Variants in NPL observed in about 807,000 individuals in gnomAD.
The protein encoded by NPL is N-acetylneuraminate pyruvate lyase.
A neutral mutation model predicts 41.1 loss-of-function variants in NPL; 32 were observed. The ratio of observed to expected loss-of-function variants is 0.78; its 90% CI spans 0.59 to 1.05. NPL has a LOEUF of 1.05. Ranked by LOEUF, NPL falls within the 50% of genes least tolerant of loss-of-function variation. The pLI is 0.00. For missense variants in NPL, 321 were observed against 378.4 expected (o/e 0.85, Z 1.26); for synonymous variants, 128 against 134.9 (o/e 0.95, Z 0.35).
chr1:182,791,528 T>C (rs1666515328), intron 1 of NPL, among the ~76,000 whole-genome samples: 1 of 152,212 alleles, frequency 6.6e-6, no homozygotes, highest in African/African-American at 2.4e-5. Flanking sequence ...ATCTGACAGC[T>C]GGTGTGGATT....
At chr1:182,816,563 T>TGCAGTA (rs1557949862) in intron 7 of NPL, 151 bp from the exon 8 acceptor site, 5 of 657,236 alleles carry the variant, frequency 7.6e-6, no homozygotes, top group East Asian at 2.8e-5. Context: ...GCAAAAACAT[T>TGCAGTA]GCAGTAGCAG....
chr1:182,819,179 G>A (rs946577592), intron 10 of NPL, among the ~76,000 whole-genome samples: 4 of 152,098 alleles, frequency 2.6e-5, no homozygotes, highest in Non-Finnish European at 4.4e-5. Context: ...GAAATGGGCC[G>A]GGCACAGTGG....
rs756443180 is a variant in NPL at position 182,812,209 on chromosome 1, A to C, written c.284A>C (p.Glu95Ala). ...GCACTGAGCTTGAAGGAGTCACAGG[A>C]ACTGGTATGTATGCAGTTCCATCTG... is the stretch of plus-strand genomic sequence containing the variant. ...VGALSLKESQ[E>A]LAQHAAEIGA... Residue 95 changes from glutamate (E) to alanine (A), a missense_variant, in exon 6 of 13, where the codon GAA (glutamate) becomes GCA (alanine). Physicochemically the swap from Glu to Ala is moderately radical, Grantham distance 107. Coordinates refer to ENST00000367553, the MANE Select transcript of NPL (RefSeq NM_030769.3). The C allele has an allele frequency of 1.2e-6, 2 of 1,613,510 alleles. No individual in the cohort carries two copies. Among genetic ancestry groups the C allele is most frequent in the East Asian group, 4.5e-5 (2 of 44,870 alleles).
intron 8 of NPL, among the ~76,000 whole-genome samples, chr1:182,817,208 C>T (rs1014693612): frequency 2.0e-5 from 3 of 152,162 alleles, no homozygotes; most frequent in African/African-American, 7.2e-5. Context: ...GACTTCTCTT[C>T]TAGCTTTTCT....
At chr1:182,818,449 C>T in intron 8 of NPL, 92 bp from the exon 9 acceptor site, 10 of 1,508,828 alleles carry the variant, frequency 6.6e-6, no homozygotes, top group South Asian at 2.3e-5. Flanking sequence ...CTGACAGCAG[C>T]GTGTGGCAGC....
In NPL at chr1:182,818,830, G is replaced by A; in HGVS notation, c.624G>A (p.Leu208=). 1 of 1,614,026 alleles carries A rather than the reference G, an allele frequency of 6.2e-7. No homozygotes were observed. The highest frequency in any genetic ancestry group is 8.5e-7 in the Non-Finnish European group (1 of 1,179,928). ...FGVDEQLLSA[L]VMGATGAVGS... The stretch of plus-strand genomic sequence containing the variant: ...CTGATTAGCAACTGTTGAGTGCTCT[G>A]GTGATGGGAGCAACTGGAGCAGTGG... Residue 208 remains leucine, a synonymous_variant, in exon 10 of 13, where the codon CTG becomes CTA. Transcript: ENST00000367553.
intron 3 of NPL, among the ~76,000 whole-genome samples, chr1:182,800,393 G>C (rs1166565492): frequency 7.2e-6 from 1 of 138,020 alleles, no homozygotes; most frequent in African/African-American, 2.7e-5. Context: ...CCGTGATTGT[G>C]CCACTGTATT....
At chr1:182,820,393 A>G (rs1557952081) in intron 10 of NPL, among the ~76,000 whole-genome samples, 2 of 152,252 alleles carry the variant, frequency 1.3e-5, no homozygotes, top group Non-Finnish European at 2.9e-5. Flanking sequence ...GTTGAATAAT[A>G]TAAATGGCTT....
At chr1:182,794,310 T>G in intron 2 of NPL, 46 bp from the exon 3 acceptor site, 2 of 1,514,204 alleles carry the variant, frequency 1.3e-6, no homozygotes, top group Non-Finnish European at 1.8e-6. Context: ...GTTTTATCAT[T>G]GACATTCCTT....
At chr1:182,803,358 T>C (rs141196800) in intron 3 of NPL, among the ~76,000 whole-genome samples, 2,553 of 152,290 alleles carry the variant, frequency 0.017, 29 homozygotes, top group Middle Eastern at 0.031. Flanking sequence ...GGGCAAAAGA[T>C]GTGTGGCCAT....
At chr1:182,795,632 T>C (rs778689266) in intron 3 of NPL, 12 of 152,330 alleles carry the variant, frequency 7.9e-5, no homozygotes, top group African/African-American at 2.9e-4. Flanking sequence ...AAAAATCACG[T>C]CCTTACTAGG....
In NPL at chr1:182,815,491, AT is replaced by A. The variant is rs1396062752; in HGVS notation, c.364+634del. On this transcript the variant is annotated intron_variant, in intron 7 of 12. Coordinates refer to ENST00000367553, the MANE Select transcript of NPL (RefSeq NM_030769.3). ...GTAATTAAATGCAGAATAGGTCTAA[AT>A]CATCATGAAATATCAGCTATTATTG... Among the ~76,000 whole-genome samples, 47 of 125,706 alleles carry A rather than the reference AT, an allele frequency of 3.7e-4. 1 individual carries two copies. The highest frequency in any genetic ancestry group is 6.9e-4 in the Admixed American group (9 of 13,078). 82.5% of individuals were successfully genotyped at this position (125,706 alleles called of 152,430 possible).
chr1:182,821,110 T>C (rs752640683), intron 10 of NPL, among the ~76,000 whole-genome samples: 1 of 152,232 alleles, frequency 6.6e-6, no homozygotes, highest in Non-Finnish European at 1.5e-5. Context: ...TCTTCCTTGC[T>C]CTATTGCCAC....
intron 3 of NPL, among the ~76,000 whole-genome samples, chr1:182,799,732 C>CAAA (rs556336661): frequency 1.0e-3 from 64 of 61,116 alleles, no homozygotes; most frequent in African/African-American, 2.2e-3. Flanking sequence ...ACCCTGTCTC[C>CAAA]AAAAAAAAAA....
chr1:182,819,008 G>A, intron 10 of NPL, 149 bp downstream of exon 10: 1 of 782,208 alleles, frequency 1.3e-6, no homozygotes. Flanking sequence ...ATTAAATACT[G>A]CTTAGCTGTT....
At chr1:182,811,307 C>A (rs934614409) in intron 5 of NPL, among the ~76,000 whole-genome samples, 3 of 152,084 alleles carry the variant, frequency 2.0e-5, no homozygotes, top group Admixed American at 6.6e-5. Context: ...TGGCTCACTG[C>A]AGCTTCCACC....
At chr1:182,825,587 A>G (rs1005979399) in intron 11 of NPL, among the ~76,000 whole-genome samples, 194 bp from the exon 12 acceptor site, 3 of 152,200 alleles carry the variant, frequency 2.0e-5, no homozygotes, top group Admixed American at 1.3e-4. Context: ...TAAAGCCTAC[A>G]TGTATGAAAA....
Position 182,828,851 on chromosome 1 carries a change from C to T in NPL, c.906C>T (p.Ser302=), listed in dbSNP as rs201438053. ...ATAGTGCTGAAGCTAAACTGAAGAG[C>T]CTGGATTTCCTTTCTTTCACTGATT... is the stretch of plus-strand genomic sequence containing the variant. ...FTDSAEAKLK[S]LDFLSFTDLK... The change falls in exon 13 of 13, where the codon AGC becomes AGT. Residue 302 remains serine, a synonymous_variant. Transcript: ENST00000367553. The surrounding 1 kb of genome is among the most constrained non-coding windows in gnomAD (Gnocchi z 4.0). 2 of 1,614,042 alleles carry T rather than the reference C, an allele frequency of 1.2e-6. No homozygotes were observed. The highest frequency in any genetic ancestry group is 1.7e-6 in the Non-Finnish European group (2 of 1,180,038).
intron 3 of NPL, among the ~76,000 whole-genome samples, chr1:182,796,606 A>G (rs888813067): frequency 6.6e-6 from 1 of 152,178 alleles, no homozygotes; most frequent in Non-Finnish European, 1.5e-5. Context: ...CTTTCTGCAT[A>G]TAAGTTGATG....
Sources: gnomAD v4.1 joint callset for allele counts (sites outside exome capture counted in the v4.1 genomes callset) on GRCh38, gnomAD v4.1.1 for gene constraint, Gnocchi (gnomAD v3.1) non-coding constraint, MANE v1.5 for transcripts, NCBI Gene and HGNC (gene_info 2026-07-23, HGNC 2026-07-21) for gene names.